EYS: variants seen among roughly 807,000 people sequenced by gnomAD.
EYS encodes the protein protein eyes shut homolog.
In EYS, 250 loss-of-function variants were observed where a neutral mutation model predicts 282.1. The observed-to-expected ratio is 0.89, with a 90% CI of 0.80 to 0.98. EYS has a LOEUF of 0.98. EYS is among the 50% of genes least tolerant of loss of function. The pLI is 0.00. For missense variants in EYS, 4,016 were observed against 3,709.0 expected, an observed-to-expected ratio of 1.08 and a Z score of -2.15; for synonymous variants, 1,355 against 1,282.9, an observed-to-expected ratio of 1.06 and a Z score of -1.20.
chr6:64,558,348 T>A (rs945074375), intron 26 of EYS, among the ~76,000 whole-genome samples: 1 of 152,074 alleles, frequency 6.6e-6, no homozygotes, highest in Non-Finnish European at 1.5e-5. Flanking sequence ...TTGGCATAAT[T>A]CTAGTGGAGG....
chr6:64,458,200 T>C (rs917575704), intron 26 of EYS, among the ~76,000 whole-genome samples: 1 of 152,120 alleles, frequency 6.6e-6, no homozygotes, highest in Non-Finnish European at 1.5e-5. Flanking sequence ...TACAGATATA[T>C]GTGATTTACA....
chr6:64,466,478 G>T (rs1176607655), intron 26 of EYS, among the ~76,000 whole-genome samples: 4 of 152,122 alleles, frequency 2.6e-5, no homozygotes, highest in African/African-American at 9.7e-5. Flanking sequence ...GGAGCACCAT[G>T]TAAAGTGAAT....
chr6:65,675,343 C>T (rs954465037), intron 1 of EYS, among the ~76,000 whole-genome samples: 3 of 151,300 alleles, frequency 2.0e-5, no homozygotes, highest in Non-Finnish European at 4.4e-5. Flanking sequence ...AAACCAAAAC[C>T]ATGATTTAAC....
intron 35 of EYS, among the ~76,000 whole-genome samples, chr6:63,975,367 A>G (rs144328087): frequency 1.4e-4 from 22 of 152,124 alleles, no homozygotes; most frequent in African/African-American, 4.8e-4. Flanking sequence ...GGACAGATTG[A>G]TGGTATGAAG....
chr6:64,151,342 T>TATATATATATATATATATATATAA (rs1774717139), intron 31 of EYS, among the ~76,000 whole-genome samples: 1 of 117,620 alleles, frequency 8.5e-6, no homozygotes, highest in African/African-American at 4.3e-5. Flanking sequence ...TATATATATA[T>TATATATATATATATATATATATAA]ATATATATAT....
chr6:64,195,069 G>C (rs1042968392), intron 31 of EYS, among the ~76,000 whole-genome samples: 13 of 151,642 alleles, frequency 8.6e-5, no homozygotes, highest in Non-Finnish European at 1.0e-4. Flanking sequence ...ACAGGTTTTT[G>C]TTGTCTGTAT....
intron 26 of EYS, among the ~76,000 whole-genome samples, chr6:64,538,861 T>C (rs1764609629): frequency 6.6e-6 from 1 of 152,212 alleles, no homozygotes; most frequent in Non-Finnish European, 1.5e-5. Flanking sequence ...CAGATCCATT[T>C]GAACTCAAAA....
At chr6:65,212,372 A>G (rs1403467768) in intron 12 of EYS, among the ~76,000 whole-genome samples, 3 of 152,140 alleles carry the variant, frequency 2.0e-5, no homozygotes, top group Non-Finnish European at 4.4e-5. Flanking sequence ...CTTTAAGAAG[A>G]AAATAGAAGA....
intron 13 of EYS, among the ~76,000 whole-genome samples, chr6:65,029,927 C>A (rs117333286): frequency 2.0e-5 from 3 of 152,036 alleles, no homozygotes; most frequent in African/African-American, 7.2e-5. Flanking sequence ...GACAAATAAG[C>A]GAGGATGGCC....
intron 28 of EYS, among the ~76,000 whole-genome samples, chr6:64,411,747 C>T (rs1372835507): frequency 6.6e-6 from 1 of 151,918 alleles, no homozygotes; most frequent in Non-Finnish European, 1.5e-5. Context: ...ATTTAAGAGG[C>T]TGATTTAGGA....
In EYS at chr6:63,979,458, A is replaced by G. The variant is rs139118344; in HGVS notation, c.7055+4925T>C. On this transcript the variant is annotated intron_variant, in intron 35 of 42. Coordinates refer to ENST00000503581, the MANE Select transcript of EYS (RefSeq NM_001142800.2). The stretch of plus-strand genomic sequence containing the variant: ...TTTCACTGCATGATAAAATACATTT[A>G]TATGTGCTTAGCTCCTGGTAAAATT... 5.6e-3 allele frequency among the ~76,000 whole-genome samples: 854 copies of G among 152,066 alleles called. 10 individuals carry two copies. The highest frequency in any genetic ancestry group is 0.019 in the African/African-American group (806 of 41,542).
intron 33 of EYS, among the ~76,000 whole-genome samples, chr6:64,014,901 C>G (rs755234705): frequency 4.0e-5 from 6 of 151,684 alleles, no homozygotes; most frequent in Non-Finnish European, 8.8e-5. Context: ...GAGAGAAGAA[C>G]AGTTAAAACC....
At chr6:63,971,680 A>G (rs1766583525) in intron 35 of EYS, among the ~76,000 whole-genome samples, 1 of 152,222 alleles carries the variant, frequency 6.6e-6, no homozygotes, top group Admixed American at 6.5e-5. Context: ...AATTTGTGAG[A>G]GAGAAAAGGG....
At chr6:65,529,049 G>A (rs1376280443) in intron 2 of EYS, among the ~76,000 whole-genome samples, 4 of 151,950 alleles carry the variant, frequency 2.6e-5, no homozygotes, top group African/African-American at 9.7e-5. Context: ...ACCGTTTTAA[G>A]TTCTCTAGAA....
At chr6:64,512,961 G>A (rs1413718725) in intron 26 of EYS, among the ~76,000 whole-genome samples, 1 of 150,792 alleles carries the variant, frequency 6.6e-6, no homozygotes. Context: ...GTTTGAAAAA[G>A]CAATGAATAT....
chr6:65,543,652 C>T (rs1004939194), intron 2 of EYS, among the ~76,000 whole-genome samples: 2 of 151,952 alleles, frequency 1.3e-5, no homozygotes, highest in African/African-American at 4.8e-5. Context: ...AATCTTCTCC[C>T]TATGATTTAA....
intron 30 of EYS, among the ~76,000 whole-genome samples, chr6:64,266,299 C>G (rs570743956): frequency 6.6e-6 from 1 of 151,896 alleles, no homozygotes; most frequent in African/African-American, 2.4e-5. Context: ...ATGGGTAATA[C>G]CTAAGCAATA....
intron 33 of EYS, among the ~76,000 whole-genome samples, chr6:64,025,933 G>T (rs1769483638): frequency 6.6e-6 from 1 of 152,124 alleles, no homozygotes; most frequent in South Asian, 2.1e-4. Flanking sequence ...CATCAGTAAG[G>T]GCCAATAAAT....
chr6:64,275,465 C>T (rs60987154), intron 30 of EYS, among the ~76,000 whole-genome samples: 109,699 of 144,894 alleles, frequency 0.76, 41,950 homozygotes, highest in African/African-American at 0.9. Flanking sequence ...TTTTTTTTTT[C>T]TTGAGACGGA....
Sources: allele counts gnomAD v4.1 joint callset (sites outside exome capture counted in the v4.1 genomes callset), GRCh38; gene constraint gnomAD v4.1.1; transcripts MANE v1.5; gene names NCBI Gene and HGNC (gene_info 2026-07-23, HGNC 2026-07-21).